The following PSMD6 variants were observed in gnomAD, a reference collection of about 807,000 sequenced individuals.
PSMD6 encodes the protein proteasome 26S subunit, non-ATPase 6, also known as 26S proteasome non-ATPase regulatory subunit 6.
A neutral mutation model predicts 44.9 loss-of-function variants in PSMD6; 7 were observed. The ratio of observed to expected loss-of-function variants is 0.16; its 90% confidence interval spans 0.09 to 0.29. PSMD6 has a LOEUF of 0.29. Ranked by LOEUF, PSMD6 falls within the 10% of genes least tolerant of loss-of-function variation. The probability of loss-of-function intolerance (pLI) is 1.00; values close to 1 mark genes in which losing one functional copy is unlikely to be tolerated. For synonymous variants in PSMD6, 184 were observed against 172.7 expected (o/e 1.07, Z -0.51); for missense variants, 420 against 482.6 (o/e 0.87, Z 1.21).
upstream of PSMD6, chr3:64,023,521 C>T: frequency 2.1e-6 from 3 of 1,414,646 alleles, no homozygotes; most frequent in East Asian, 5.5e-5. Context: ...CGCCTGCGGC[C>T]CGGCTTCCGG....
At chr3:64,022,149 T>C (rs901563181) in intron 2 of PSMD6, among the ~76,000 whole-genome samples, 169 bp downstream of exon 2, 7 of 152,242 alleles carry the variant, frequency 4.6e-5, no homozygotes, top group Admixed American at 1.3e-4. Context: ...AGGCATTTCA[T>C]GGAGACGACT....
chr3:64,013,327 C>G, intron 6 of PSMD6, 112 bp downstream of exon 6: 1 of 1,132,948 alleles, frequency 8.8e-7, no homozygotes. Context: ...AACCTCTCCC[C>G]TCCCCGTTAA....
At chr3:64,019,608 G>A in intron 2 of PSMD6, 167 bp from the exon 3 acceptor site, 1 of 585,326 alleles carries the variant, frequency 1.7e-6, no homozygotes, top group Admixed American at 3.9e-5. Context: ...AGTACACAAG[G>A]GTTTATTATT....
At position 64,018,909 on chromosome 3, in the gene PSMD6, G is replaced by A; in HGVS notation, c.626C>T (p.Thr209Ile). 1.9e-6 allele frequency: 3 copies of A among 1,597,808 alleles called. No individual in the cohort carries two copies. The highest frequency in any genetic ancestry group is 2.2e-5 in the East Asian group (1 of 44,790). Reference protein sequence around the residue: ...ELFLDTVSTFTSYELMDYKTF... With the variant: ...ELFLDTVSTFISYELMDYKTF... Reference sequence around the variant, plus strand: ...TTTATAATCCATGAGTTCATAGGATGTAAATGTTGAAACAGTGTCAAGGAA... The same window carrying A: ...TTTATAATCCATGAGTTCATAGGATATAAATGTTGAAACAGTGTCAAGGAA... Residue 209 changes from threonine to isoleucine, a missense_variant, in exon 4 of 8, where the codon ACA (threonine) becomes ATA (isoleucine). Thr to Ile is a moderately conservative substitution (Grantham distance 89). This residue lies in a region of PSMD6 where 216 missense variants were observed against 227.0 expected (regional missense o/e 0.95). Transcript: ENST00000295901.
Position 64,010,689 on chromosome 3 carries a change from A to C in PSMD6, c.1149T>G (p.Leu383=). The C allele has an allele frequency of 1.2e-6, 2 of 1,602,232 alleles. No homozygotes were observed. The highest frequency in any genetic ancestry group is 1.3e-5 in the African/African-American group (1 of 74,702). The change falls in exon 8 of 8, where the codon CTT becomes CTG. Residue 383 remains leucine, a synonymous_variant. Coordinates refer to ENST00000295901, the MANE Select transcript of PSMD6 (RefSeq NM_014814.3). The part of the protein sequence containing the change: ...GDLLLNRVQK[L]SRVINM ...GGCTTTACATATTAATTACTCTGGA[A>C]AGTTTTTGAACTCTGTTTAGTAGCA...
intron 5 of PSMD6, chr3:64,017,271 C>T (rs1331977670): frequency 6.6e-6 from 1 of 152,104 alleles, no homozygotes; most frequent in Non-Finnish European, 1.5e-5. Flanking sequence ...GAATTGTACA[C>T]TTGAGGTAAT....
chr3:64,010,990 T>TATAGAAA lies in PSMD6; in HGVS notation c.996-42_996-36dup, dbSNP rs750999005. On this transcript the variant is annotated intron_variant, in intron 6 of 7. Transcript: ENST00000295901. ...AGACAAAAAATAACAGAATTAGCTTTATAGAAAATTCTTAGAAAAATGCAA... is the reference window on the plus strand; with the variant it reads ...AGACAAAAAATAACAGAATTAGCTTTATAGAAAATAGAAAATTCTTAGAAAAATGCAA... 1.5e-5 allele frequency: 22 copies of TATAGAAA among 1,506,262 alleles called. No homozygotes were observed. The South Asian group carries it at 2.6e-4, about 18-fold the overall frequency. 93.3% of individuals were successfully genotyped at this position (1,506,262 alleles called of 1,614,324 possible).
intron 5 of PSMD6, chr3:64,014,006 A>G (rs1425748397): frequency 6.4e-6 from 1 of 155,564 alleles, no homozygotes; most frequent in Non-Finnish European, 1.4e-5. Flanking sequence ...TACAGACCAG[A>G]AAAAAGGTAT....
intron 5 of PSMD6, chr3:64,015,287 A>C (rs1388540942): frequency 6.6e-6 from 1 of 152,262 alleles, no homozygotes; most frequent in Non-Finnish European, 1.5e-5. Context: ...AAGACACAAT[A>C]TATTTAACCT....
chr3:64,013,328 T>TC (rs1185978887), intron 6 of PSMD6, 111 bp downstream of exon 6: 3 of 1,138,816 alleles, frequency 2.6e-6, no homozygotes, highest in Non-Finnish European at 3.6e-6. Flanking sequence ...ACCTCTCCCC[T>TC]CCCCGTTAAG....
chr3:64,012,653 T>C (rs545253340), intron 6 of PSMD6: 1 of 152,372 alleles, frequency 6.6e-6, no homozygotes, highest in South Asian at 2.1e-4. Context: ...CCAACTATGC[T>C]GGAGCCACCC....
Position 64,010,690 on chromosome 3 carries a change from A to G in PSMD6, c.1148T>C (p.Leu383Pro). 6.2e-7 allele frequency: 1 copy of G among 1,603,210 alleles called. No homozygotes were observed. The highest frequency in any genetic ancestry group is 8.5e-7 in the Non-Finnish European group (1 of 1,171,334). Residue 383 changes from leucine to proline, a missense_variant, in exon 8 of 8, where the codon CTT (leucine) becomes CCT (proline). Physicochemically the swap from Leu to Pro is moderately conservative, Grantham distance 98 (BLOSUM62 -3). Around this residue, in one of 4 missense-constraint regions of PSMD6, gnomAD observed 63 missense variants for 112.1 expected, o/e 0.56. Coordinates refer to ENST00000295901, the MANE Select transcript of PSMD6 (RefSeq NM_014814.3). ...GDLLLNRVQKLSRVINM is the reference protein window; with the variant it reads ...GDLLLNRVQKPSRVINM ...GCTTTACATATTAATTACTCTGGAA[A>G]GTTTTTGAACTCTGTTTAGTAGCAG...
chr3:64,015,818 A>T (rs139001814), intron 5 of PSMD6: 6 of 152,262 alleles, frequency 3.9e-5, no homozygotes, highest in African/African-American at 1.4e-4. Flanking sequence ...TCTTTATATG[A>T]TACTGTTTAC....
At chr3:64,010,798 A>T in intron 7 of PSMD6, 34 bp from the exon 8 acceptor site, 1 of 1,580,994 alleles carries the variant, frequency 6.3e-7, no homozygotes. Context: ...TGAATTATTT[A>T]CCAGTCACAT....
At chr3:64,019,177 G>A in intron 3 of PSMD6, 119 bp downstream of exon 3, 2 of 1,383,786 alleles carry the variant, frequency 1.4e-6, no homozygotes, top group Admixed American at 2.2e-5. Context: ...TACTAAATAA[G>A]TACATCAATT....
At chr3:64,017,323 G>C (rs1015164469) in intron 5 of PSMD6, 1 of 152,048 alleles carries the variant, frequency 6.6e-6, no homozygotes, top group Non-Finnish European at 1.5e-5. Context: ...TTAAAGGAGG[G>C]GGCATACAAT....
chr3:64,023,501 T>C, upstream of PSMD6: 1 of 1,462,910 alleles, frequency 6.8e-7, no homozygotes, highest in African/African-American at 1.5e-5. Context: ...AGTCGGCGAA[T>C]ACGCCCGGCC....
upstream of PSMD6, chr3:64,023,531 GTCC>G: frequency 7.1e-7 from 1 of 1,403,530 alleles, no homozygotes; most frequent in Non-Finnish European, 9.3e-7. Context: ...CCGGCTTCCG[GTCC>G]CGTCTCCGCC....
intron 1 of PSMD6, chr3:64,022,879 C>A (rs2076155495): frequency 6.6e-7 from 1 of 1,505,266 alleles, no homozygotes; most frequent in Middle Eastern, 2.0e-4. Flanking sequence ...TACAGAAGGG[C>A]CAGAAAGAAC....
Sources: gnomAD v4.1 joint callset for allele counts (sites outside exome capture counted in the v4.1 genomes callset) on GRCh38, gnomAD v4.1.1 for gene constraint, gnomAD v4.1.1 regional missense constraint, MANE v1.5 for transcripts, NCBI Gene and HGNC (gene_info 2026-07-23, HGNC 2026-07-21) for gene names.